The following EMCN variants were observed in gnomAD, a reference collection of about 807,000 sequenced individuals.
EMCN encodes MUC-14.
Under a neutral mutation model 38.4 loss-of-function variants are expected in EMCN, and 37 were observed. That is an observed-to-expected ratio of 0.96 (90% confidence interval 0.74 to 1.27). EMCN has a LOEUF of 1.27. Among genes scored for constraint, EMCN ranks in the 50% most tolerant of loss-of-function variants. The pLI, the probability that EMCN is intolerant of heterozygous loss-of-function variation, is 0.00. For synonymous variants in EMCN, 95 were observed against 100.8 expected (o/e 0.94, Z 0.35); for missense variants, 318 against 302.8 (o/e 1.05, Z -0.37).
intron 8 of EMCN, among the ~76,000 whole-genome samples, chr4:100,419,724 C>T (rs1726835542): frequency 6.6e-6 from 1 of 152,038 alleles, no homozygotes; most frequent in South Asian, 2.1e-4. Context: ...AATGCTGTTT[C>T]TCCTCTGAAA....
chr4:100,451,019 T>A (rs1560620348), intron 4 of EMCN, among the ~76,000 whole-genome samples: 1 of 151,882 alleles, frequency 6.6e-6, no homozygotes, highest in South Asian at 2.1e-4. Flanking sequence ...TGCACATATA[T>A]TGTTAATATC....
At chr4:100,457,354 T>C (rs1399722143) in intron 4 of EMCN, among the ~76,000 whole-genome samples, 2 of 152,146 alleles carry the variant, frequency 1.3e-5, no homozygotes, top group Admixed American at 6.6e-5. Flanking sequence ...TTATATTCAA[T>C]AGAAGTGATG....
intron 4 of EMCN, among the ~76,000 whole-genome samples, chr4:100,456,924 A>G (rs1048814881): frequency 6.6e-6 from 1 of 152,146 alleles, no homozygotes; most frequent in African/African-American, 2.4e-5. Context: ...TAAAATTTTC[A>G]TGAGAATTGT....
chr4:100,449,761 C>G (rs72692107), intron 4 of EMCN, among the ~76,000 whole-genome samples: 13 of 152,022 alleles, frequency 8.6e-5, no homozygotes, highest in Non-Finnish European at 1.5e-4. Flanking sequence ...TAAGGTATAG[C>G]TGAGTCTTCA....
chr4:100,476,581 T>C (rs999458360), intron 2 of EMCN, among the ~76,000 whole-genome samples: 3 of 152,248 alleles, frequency 2.0e-5, no homozygotes, highest in Non-Finnish European at 4.4e-5. Context: ...ATGTTTATAA[T>C]AGATTAAATC....
chr4:100,486,909 A>T, intron 1 of EMCN: 1 of 985,472 alleles, frequency 1.0e-6, no homozygotes, highest in Non-Finnish European at 1.2e-6. Context: ...TTTTTCCTTC[A>T]CAAATGGATA....
At chr4:100,470,389 A>AAAAC (rs777212451) in intron 3 of EMCN, among the ~76,000 whole-genome samples, 1 of 151,094 alleles carries the variant, frequency 6.6e-6, no homozygotes, top group Non-Finnish European at 1.5e-5. Flanking sequence ...AAAAAAAAAA[A>AAAAC]CAGGTGCCAG....
chr4:100,417,577 GTGTTTGTGGTGAGCTACAA>G lies in EMCN; in HGVS notation c.665-455_665-437del, dbSNP rs370150202. On this transcript the variant is annotated intron_variant, in intron 8 of 11. Transcript: ENST00000296420. ...GTTCTTTTTTGGGACAGAAATCACT[GTGTTTGTGGTGAGCTACAA>G]TGTAGATACTATATCTAATTGTATC... Among the ~76,000 whole-genome samples, 865 of 152,226 alleles carry G rather than the reference GTGTTTGTGGTGAGCTACAA, an allele frequency of 5.7e-3. 6 individuals carry two copies. Among genetic ancestry groups the G allele is most frequent in the African/African-American group, 0.02 (827 of 41,534 alleles).
chr4:100,427,778 A>G (rs565371036), intron 5 of EMCN, among the ~76,000 whole-genome samples: 15 of 152,252 alleles, frequency 9.9e-5, no homozygotes, highest in Non-Finnish European at 1.3e-4. Context: ...AAATCCGGAT[A>G]CTTACTTAGC....
intron 4 of EMCN, among the ~76,000 whole-genome samples, chr4:100,455,216 T>C (rs886250402): frequency 6.6e-6 from 1 of 152,114 alleles, no homozygotes; most frequent in Non-Finnish European, 1.5e-5. Context: ...TTTCTCTCAT[T>C]TTGGCATTTG....
chr4:100,497,797 A>G (rs1351356303), intron 1 of EMCN, among the ~76,000 whole-genome samples: 1 of 152,234 alleles, frequency 6.6e-6, no homozygotes, highest in Non-Finnish European at 1.5e-5. Flanking sequence ...GATAAAGTTC[A>G]GAAGAAAAAA....
intron 4 of EMCN, among the ~76,000 whole-genome samples, chr4:100,448,863 G>A (rs192864548): frequency 2.3e-5 from 2 of 88,886 alleles, no homozygotes; most frequent in East Asian, 6.1e-4. Flanking sequence ...TTTCTGGCTT[G>A]CTTGCTTGCT....
At chr4:100,492,105 A>G (rs1578229986) in intron 1 of EMCN, among the ~76,000 whole-genome samples, 4 of 152,336 alleles carry the variant, frequency 2.6e-5, no homozygotes, top group Admixed American at 2.6e-4. Context: ...CTCTTGAAGA[A>G]GTTCAATGAA....
At chr4:100,459,659 T>TA (rs1380904791) in intron 4 of EMCN, among the ~76,000 whole-genome samples, 1 of 152,194 alleles carries the variant, frequency 6.6e-6, no homozygotes, top group Non-Finnish European at 1.5e-5. Flanking sequence ...ATTCCACATG[T>TA]AAGGGAAAAC....
chr4:100,487,351 C>T (rs1201484979), intron 1 of EMCN, among the ~76,000 whole-genome samples: 1 of 152,172 alleles, frequency 6.6e-6, no homozygotes, highest in Non-Finnish European at 1.5e-5. Flanking sequence ...TCTCTTGGAT[C>T]CATCTCATGA....
chr4:100,490,060 C>T (rs1386064940), intron 1 of EMCN, among the ~76,000 whole-genome samples: 2 of 151,648 alleles, frequency 1.3e-5, no homozygotes, highest in African/African-American at 4.8e-5. Context: ...CCTTGAAGAC[C>T]TTCCAGTGGG....
chr4:100,458,609 A>G (rs929792052), intron 4 of EMCN, among the ~76,000 whole-genome samples: 1 of 152,162 alleles, frequency 6.6e-6, no homozygotes, highest in African/African-American at 2.4e-5. Flanking sequence ...TTCAGTTAAC[A>G]TAGGATGTGG....
chr4:100,496,287 G>C (rs1729204808), intron 1 of EMCN, among the ~76,000 whole-genome samples: 1 of 152,074 alleles, frequency 6.6e-6, no homozygotes, highest in African/African-American at 2.4e-5. Context: ...GATAAGTTCA[G>C]AAGAGTCATT....
intron 11 of EMCN, among the ~76,000 whole-genome samples, chr4:100,407,679 G>A (rs184528478): frequency 4.6e-5 from 7 of 152,174 alleles, no homozygotes; most frequent in Non-Finnish European, 8.8e-5. Context: ...ATTGACCTTG[G>A]AGGATCTGAT....
Sources: gnomAD v4.1 joint callset for allele counts (sites outside exome capture counted in the v4.1 genomes callset) on GRCh38, gnomAD v4.1.1 for gene constraint, MANE v1.5 for transcripts, NCBI Gene and HGNC (gene_info 2026-07-23, HGNC 2026-07-21) for gene names.